The following PRORP variants were observed in gnomAD, a reference collection of about 807,000 sequenced individuals.
The protein encoded by PRORP is mitochondrial ribonuclease P catalytic subunit.
PRORP carries 51 observed loss-of-function variants against 59.4 expected under a neutral mutation model. The ratio of observed to expected loss-of-function variants is 0.86; its 90% CI spans 0.69 to 1.08. PRORP has a LOEUF of 1.08. Among genes scored for constraint, PRORP ranks in the 50% least tolerant of loss-of-function variants. The probability of loss-of-function intolerance (pLI) is 0.00; values close to 1 mark genes in which losing one functional copy is unlikely to be tolerated. For synonymous variants in PRORP, 231 were observed against 245.6 expected, an observed-to-expected ratio of 0.94 and a Z score of 0.55; for missense variants, 646 against 690.3, an observed-to-expected ratio of 0.94 and a Z score of 0.72.
intron 5 of PRORP, among the ~76,000 whole-genome samples, chr14:35,207,139 A>G (rs920067465): frequency 6.6e-6 from 1 of 152,172 alleles, no homozygotes; most frequent in Non-Finnish European, 1.5e-5. Context: ...TGCCAAACAA[A>G]TGTATACTGT....
chr14:35,257,652 T>C lies in PRORP; in HGVS notation c.1276-9075T>C, dbSNP rs145366559. 7.3e-3 allele frequency among the ~76,000 whole-genome samples: 1,105 copies of C among 152,284 alleles called. 21 individuals carry two copies. Among genetic ancestry groups the C allele is most frequent in the African/African-American group, 0.024 (1,008 of 41,546 alleles). ...CAGTTTTTAAGTTCTTTCCTGGAGG[T>C]ATCCCATAATGAATGTTCTTATAAA... On this transcript the variant is annotated intron_variant, in intron 5 of 7. Coordinates refer to ENST00000534898, the MANE Select transcript of PRORP (RefSeq NM_014672.4).
At chr14:35,252,030 C>T (rs2050628552) in intron 5 of PRORP, among the ~76,000 whole-genome samples, 1 of 152,022 alleles carries the variant, frequency 6.6e-6, no homozygotes, top group African/African-American at 2.4e-5. Flanking sequence ...ATAGTATCTC[C>T]AATTACTAAT....
chr14:35,203,299 A>G (rs1472784287), intron 5 of PRORP, among the ~76,000 whole-genome samples: 3 of 152,116 alleles, frequency 2.0e-5, no homozygotes, highest in Non-Finnish European at 2.9e-5. Flanking sequence ...TTTAATTGCA[A>G]TGATCACTTT....
intron 4 of PRORP, among the ~76,000 whole-genome samples, chr14:35,151,622 C>T (rs2138891827): frequency 7.0e-6 from 1 of 141,998 alleles, no homozygotes; most frequent in South Asian, 2.3e-4. Flanking sequence ...ACTTATCTGA[C>T]ATGCTACACA....
chr14:35,152,239 A>G (rs2047775640), intron 4 of PRORP, among the ~76,000 whole-genome samples: 1 of 152,216 alleles, frequency 6.6e-6, no homozygotes, highest in East Asian at 1.9e-4. Context: ...CAGAGAGCAC[A>G]GGGTTGGGGA....
At chr14:35,160,138 G>A (rs1334689003) in intron 4 of PRORP, among the ~76,000 whole-genome samples, 1 of 152,194 alleles carries the variant, frequency 6.6e-6, no homozygotes, top group African/African-American at 2.4e-5. Context: ...ATTTGTATAA[G>A]TTAGACAGCG....
At chr14:35,147,391 G>A (rs2047637892) in intron 4 of PRORP, among the ~76,000 whole-genome samples, 1 of 152,268 alleles carries the variant, frequency 6.6e-6, no homozygotes, top group Non-Finnish European at 1.5e-5. Context: ...CACCCAGGCT[G>A]GAGTGCACTG....
At chr14:35,200,768 T>A (rs2049128000) in intron 5 of PRORP, among the ~76,000 whole-genome samples, 1 of 152,036 alleles carries the variant, frequency 6.6e-6, no homozygotes, top group African/African-American at 2.4e-5. Flanking sequence ...AGAGTTCTCA[T>A]ATACCCCACA....
rs150319659 is a variant in PRORP, at chr14:35,170,394, T to A, written c.1168-10276T>A. On this transcript the variant is annotated intron_variant, in intron 4 of 7. Transcript: ENST00000534898. ...TTATCTATACCTTTTTGCTTTTTTT[T>A]AAACTTTTAAAAAATTTTATCAACT... 2.8e-3 allele frequency among the ~76,000 whole-genome samples: 419 copies of A among 152,264 alleles called. 1 individual carries two copies. The highest frequency in any genetic ancestry group is 5.0e-3 in the Admixed American group (76 of 15,292).
intron 5 of PRORP, among the ~76,000 whole-genome samples, chr14:35,212,743 G>T (rs1189506367): frequency 2.0e-5 from 3 of 152,204 alleles, no homozygotes; most frequent in Non-Finnish European, 4.4e-5. Flanking sequence ...GGACTGGTGA[G>T]TGAGCATTGG....
intron 4 of PRORP, among the ~76,000 whole-genome samples, chr14:35,167,106 C>G (rs138424755): frequency 2.0e-5 from 3 of 152,120 alleles, no homozygotes; most frequent in Non-Finnish European, 4.4e-5. Context: ...CTTTCAGTCC[C>G]GTTACCTGCT....
chr14:35,246,748 A>G (rs2050495566), intron 5 of PRORP, among the ~76,000 whole-genome samples: 1 of 152,168 alleles, frequency 6.6e-6, no homozygotes, highest in Admixed American at 6.5e-5. Context: ...TACTCCTACC[A>G]AGTGTTGACA....
chr14:35,230,889 G>C (rs1045898800), intron 5 of PRORP, among the ~76,000 whole-genome samples: 5 of 151,556 alleles, frequency 3.3e-5, no homozygotes, highest in Non-Finnish European at 7.4e-5. Flanking sequence ...AGATACTACT[G>C]AGAAATGTTA....
At position 35,277,323 on chromosome 14, in the gene PRORP, G is replaced by C. The variant is rs1345391431; in HGVS notation, c.*3757G>C. 1 of 152,306 alleles carries C rather than the reference G, an allele frequency of 6.6e-6. No individual in the cohort carries two copies. The highest frequency in any genetic ancestry group is 6.5e-5 in the Admixed American group (1 of 15,272). The allele number at this position is 152,306 out of a possible 1,614,324, so 9.4% of individuals were successfully genotyped here. ...TTACAGGTGTGAGTCACCCCGCACA[G>C]CCTGAAATGAGGCATCTCTATCTAT... is the stretch of plus-strand genomic sequence containing the variant. On this transcript the variant is annotated 3_prime_UTR_variant, in exon 8 of 8. Coordinates refer to ENST00000534898, the MANE Select transcript of PRORP (RefSeq NM_014672.4).
intron 5 of PRORP, among the ~76,000 whole-genome samples, chr14:35,212,131 A>T (rs772276463): frequency 2.0e-5 from 3 of 152,220 alleles, no homozygotes; most frequent in Non-Finnish European, 4.4e-5. Context: ...ATGAGGTTAC[A>T]GCAATTCAGT....
At chr14:35,251,112 A>G (rs893883400) in intron 5 of PRORP, among the ~76,000 whole-genome samples, 1 of 152,204 alleles carries the variant, frequency 6.6e-6, no homozygotes, top group African/African-American at 2.4e-5. Flanking sequence ...GAGTGAGAAC[A>G]TTCGACGATT....
intron 5 of PRORP, among the ~76,000 whole-genome samples, chr14:35,242,659 TCTAG>T (rs940711719): frequency 6.6e-6 from 1 of 152,232 alleles, no homozygotes; most frequent in Non-Finnish European, 1.5e-5. Flanking sequence ...TTTTCATCTA[TCTAG>T]CTAGCTAGCT....
At chr14:35,164,840 T>C (rs970497858) in intron 4 of PRORP, among the ~76,000 whole-genome samples, 2 of 152,180 alleles carry the variant, frequency 1.3e-5, no homozygotes, top group Non-Finnish European at 2.9e-5. Context: ...TATTAGTCTC[T>C]TTTGGGGAGG....
At chr14:35,255,994 G>C (rs1315338013) in intron 5 of PRORP, among the ~76,000 whole-genome samples, 1 of 151,886 alleles carries the variant, frequency 6.6e-6, no homozygotes, top group African/African-American at 2.4e-5. Flanking sequence ...AACAAGAAAA[G>C]ATTTTATCAG....
Sources: gnomAD v4.1 joint callset for allele counts (sites outside exome capture counted in the v4.1 genomes callset) on GRCh38, gnomAD v4.1.1 for gene constraint, MANE v1.5 for transcripts, NCBI Gene and HGNC (gene_info 2026-07-23, HGNC 2026-07-21) for gene names.